The following SMG6 variants were observed in gnomAD, a reference collection of about 807,000 sequenced individuals.
The protein encoded by SMG6 is telomerase-binding protein EST1A.
Under a neutral mutation model 142.2 loss-of-function variants are expected in SMG6, and 66 were observed. The ratio of observed to expected loss-of-function variants is 0.46; its 90% CI spans 0.38 to 0.57. The LOEUF (loss-of-function observed/expected upper bound fraction) is 0.57, where lower values mean the gene tolerates loss of function less well. SMG6 is among the 20% of genes least tolerant of loss of function. The pLI, the probability that SMG6 is intolerant of heterozygous loss-of-function variation, is 0.00. For synonymous variants in SMG6, 779 were observed against 702.4 expected (o/e 1.11, Z -1.72); for missense variants, 1,793 against 1,832.0 (o/e 0.98, Z 0.39).
At chr17:2,097,599 T>C (rs554279087) in intron 13 of SMG6, among the ~76,000 whole-genome samples, 68 of 152,332 alleles carry the variant, frequency 4.5e-4, no homozygotes, top group Non-Finnish European at 8.7e-4. Flanking sequence ...AACCCAGATC[T>C]GCCTCCCAAT....
chr17:2,262,444 G>A (rs2074336968), intron 8 of SMG6, among the ~76,000 whole-genome samples: 1 of 152,212 alleles, frequency 6.6e-6, no homozygotes, highest in Admixed American at 6.5e-5. Flanking sequence ...GTGGACATCT[G>A]TACCATGGCC....
intron 8 of SMG6, among the ~76,000 whole-genome samples, chr17:2,276,448 G>A (rs188408365): frequency 2.0e-5 from 3 of 151,318 alleles, no homozygotes; most frequent in Non-Finnish European, 4.4e-5. Context: ...GCAATGGTGC[G>A]ATCTTGGCTC....
chr17:2,094,188 C>T (rs888568989), intron 13 of SMG6, among the ~76,000 whole-genome samples: 1 of 152,190 alleles, frequency 6.6e-6, no homozygotes, highest in Non-Finnish European at 1.5e-5. Context: ...CGGGCGGTGG[C>T]TCTGCCTTTG....
At chr17:2,151,070 C>A (rs1402027397) in intron 13 of SMG6, among the ~76,000 whole-genome samples, 2 of 152,176 alleles carry the variant, frequency 1.3e-5, no homozygotes, top group East Asian at 1.9e-4. Flanking sequence ...TGGACCGAGG[C>A]CAACATAAGC....
intron 8 of SMG6, among the ~76,000 whole-genome samples, chr17:2,260,927 C>T (rs765564056): frequency 2.0e-5 from 3 of 151,154 alleles, no homozygotes; most frequent in African/African-American, 4.9e-5. Flanking sequence ...ACCCGGGAGG[C>T]GGAGGTTGCA....
chr17:2,208,091 C>T (rs1171498483), intron 10 of SMG6, among the ~76,000 whole-genome samples: 5 of 151,938 alleles, frequency 3.3e-5, no homozygotes, highest in Admixed American at 2.0e-4. Context: ...TTCGTGCCAC[C>T]GCACTCCAGC....
intron 8 of SMG6, among the ~76,000 whole-genome samples, chr17:2,249,890 G>A (rs1017432073): frequency 4.6e-5 from 7 of 152,212 alleles, no homozygotes; most frequent in Non-Finnish European, 8.8e-5. Context: ...GCAGTAGATG[G>A]ATGGGTAGGT....
intron 13 of SMG6, among the ~76,000 whole-genome samples, chr17:2,133,242 TG>T (rs1357655472): frequency 6.6e-6 from 1 of 151,864 alleles, no homozygotes. Context: ...AGACTCCATC[TG>T]GGGGGGAAAA....
intron 13 of SMG6, among the ~76,000 whole-genome samples, chr17:2,117,134 G>A (rs553379220): frequency 3.4e-5 from 5 of 147,640 alleles, no homozygotes; most frequent in South Asian, 2.1e-4. Context: ...TCTCTCTGTC[G>A]CCCAGTGTGT....
At position 2,186,715 on chromosome 17, in the gene SMG6, C is replaced by G. The variant is rs761840703; in HGVS notation, c.3103G>C (p.Gly1035Arg). The G allele has an allele frequency of 6.2e-7, 1 of 1,614,210 alleles. No homozygotes were observed. Among genetic ancestry groups the G allele is most frequent in the Non-Finnish European group, 8.5e-7 (1 of 1,180,040 alleles). ...GGAGGATTCCAGGTGTCCGGGTAGC[C>G]GAGCATCCAATCTGACCAGACTTTG... The part of the protein sequence containing the change: ...SVKVWSDWML[G>R]YPDTWNPPPT... The change falls in exon 12 of 19, where the codon GGC becomes CGC. Residue 1035 changes from glycine to arginine, a missense_variant. Coordinates refer to ENST00000263073, the MANE Select transcript of SMG6 (RefSeq NM_017575.5).
At chr17:2,242,690 A>G (rs112999919) in intron 9 of SMG6, among the ~76,000 whole-genome samples, 15 of 1,386 alleles carry the variant, frequency 0.011, no homozygotes, top group African/African-American at 0.013. Context: ...CCATCTCTTT[A>G]AAAAAAAAAA....
intron 8 of SMG6, among the ~76,000 whole-genome samples, chr17:2,262,272 G>A (rs2074333064): frequency 6.6e-6 from 1 of 152,210 alleles, no homozygotes; most frequent in African/African-American, 2.4e-5. Flanking sequence ...AATGATGGAA[G>A]GCATGACTTT....
chr17:2,145,860 T>C (rs1008104084), intron 13 of SMG6, among the ~76,000 whole-genome samples: 1 of 151,984 alleles, frequency 6.6e-6, no homozygotes, highest in Admixed American at 6.6e-5. Flanking sequence ...CACCCTGAAG[T>C]TTGGGTCAAT....
chr17:2,297,577 C>CACAT (rs1431552989), intron 3 of SMG6, among the ~76,000 whole-genome samples: 1 of 151,692 alleles, frequency 6.6e-6, no homozygotes, highest in Non-Finnish European at 1.5e-5. Flanking sequence ...CACACACACA[C>CACAT]ACACACACAC....
intron 13 of SMG6, among the ~76,000 whole-genome samples, chr17:2,147,011 G>C (rs1026936540): frequency 6.6e-6 from 1 of 152,214 alleles, no homozygotes; most frequent in Non-Finnish European, 1.5e-5. Context: ...AGAGGTTACA[G>C]GGATATTTCA....
intron 8 of SMG6, among the ~76,000 whole-genome samples, chr17:2,263,453 C>A (rs1190098737): frequency 6.6e-6 from 1 of 152,092 alleles, no homozygotes; most frequent in Non-Finnish European, 1.5e-5. Context: ...ACGGAAAAAA[C>A]AGTAGCAGGA....
At chr17:2,183,282 AAGGG>A (rs1012387111) in intron 12 of SMG6, among the ~76,000 whole-genome samples, 3 of 150,298 alleles carry the variant, frequency 2.0e-5, no homozygotes, top group African/African-American at 4.9e-5. Flanking sequence ...AAAAAGAAAG[AAGGG>A]AGGGAGGGAG....
chr17:2,271,173 G>A (rs1430655101), intron 8 of SMG6, among the ~76,000 whole-genome samples: 4 of 149,234 alleles, frequency 2.7e-5, no homozygotes, highest in Non-Finnish European at 5.9e-5. Flanking sequence ...GGAGTGCAGT[G>A]GTGCAATCTT....
chr17:2,061,530 C>T lies in SMG6; in HGVS notation c.4222G>A (p.Asp1408Asn), dbSNP rs1363194110. 2 of 1,575,172 alleles carry T rather than the reference C, an allele frequency of 1.3e-6. No individual in the cohort carries two copies. Among genetic ancestry groups the T allele is most frequent in the Non-Finnish European group, 1.7e-6 (2 of 1,160,184 alleles). Residue 1408 changes from aspartate (D) to asparagine (N), a missense_variant, in exon 19 of 19, where the codon GAC becomes AAC. By Grantham distance (23) the Asp-to-Asn change is conservative. Transcript: ENST00000263073. Reference sequence around the variant, plus strand: ...GCCCACGTGAGGAAGGCTGGGATGTCCCGTACAGGAACATTCCTTGTGAGC... The same window carrying T: ...GCCCACGTGAGGAAGGCTGGGATGTTCCGTACAGGAACATTCCTTGTGAGC... ...KALTRNVPVR[D>N]IPAFLTWAQV...
Sources: allele counts gnomAD v4.1 joint callset (sites outside exome capture counted in the v4.1 genomes callset), GRCh38; gene constraint gnomAD v4.1.1; transcripts MANE v1.5; gene names NCBI Gene and HGNC (gene_info 2026-07-23, HGNC 2026-07-21).